EARS2: variants seen among roughly 807,000 people sequenced by gnomAD.
EARS2 encodes nondiscriminating glutamyl-tRNA synthetase EARS2, mitochondrial.
A neutral mutation model predicts 54.1 loss-of-function variants in EARS2; 50 were observed. The observed-to-expected ratio is 0.92, with a 90% CI of 0.74 to 1.17. EARS2 has a LOEUF of 1.17. Among genes scored for constraint, EARS2 ranks in the 50% most tolerant of loss-of-function variants. EARS2 has a pLI of 0.00. For missense variants in EARS2, 673 were observed against 675.0 expected (o/e 1.00, Z 0.03); for synonymous variants, 298 against 281.0 (o/e 1.06, Z -0.61).
intron 5 of EARS2, 114 bp from the exon 6 acceptor site, chr16:23,530,011 C>T: frequency 7.9e-7 from 1 of 1,268,202 alleles, no homozygotes. Context: ...CCCATGAGCC[C>T]TCCCTTTCGC....
intron 7 of EARS2, among the ~76,000 whole-genome samples, chr16:23,526,459 A>T (rs929369089): frequency 6.6e-6 from 1 of 152,180 alleles, no homozygotes; most frequent in Non-Finnish European, 1.5e-5. Context: ...TAAAATTTTT[A>T]AAAATTAGTT....
At chr16:23,528,986 G>C (rs1965276276) in intron 7 of EARS2, among the ~76,000 whole-genome samples, 1 of 152,352 alleles carries the variant, frequency 6.6e-6, no homozygotes, top group Admixed American at 6.5e-5. Context: ...GAAGGGGAAA[G>C]GCAGAGAGCG....
rs972212703 is a variant in EARS2, at chr16:23,552,625, G to A, written c.140-321C>T. On this transcript the variant is annotated intron_variant, in intron 1 of 8. Coordinates refer to ENST00000449606, the MANE Select transcript of EARS2 (RefSeq NM_001083614.2). ...CATGCCCAGCCTCCCGAGTAGCTGGGATTACAGGTGTGTGCCACCACGTCC... is the reference window on the plus strand; with the variant it reads ...CATGCCCAGCCTCCCGAGTAGCTGGAATTACAGGTGTGTGCCACCACGTCC... 2.0e-5 allele frequency among the ~76,000 whole-genome samples: 3 copies of A among 152,344 alleles called. No individual in the cohort carries two copies. The South Asian group carries it at 6.2e-4, about 32-fold the overall frequency.
At chr16:23,526,600 A>T (rs901243207) in intron 7 of EARS2, among the ~76,000 whole-genome samples, 1 of 152,196 alleles carries the variant, frequency 6.6e-6, no homozygotes, top group African/African-American at 2.4e-5. Context: ...AATTATCTGA[A>T]ATACAGCTTT....
At chr16:23,528,628 C>T (rs1567378680) in intron 7 of EARS2, among the ~76,000 whole-genome samples, 1 of 152,238 alleles carries the variant, frequency 6.6e-6, no homozygotes, top group Non-Finnish European at 1.5e-5. Flanking sequence ...TGGCCAGGCA[C>T]TATGGCTCAC....
chr16:23,532,545 A>T, intron 5 of EARS2, 112 bp downstream of exon 5: 1 of 666,446 alleles, frequency 1.5e-6, no homozygotes, highest in South Asian at 2.2e-5. Flanking sequence ...TAGGTGATTT[A>T]GCCATGGTCA....
chr16:23,541,695 T>G (rs1049779417), intron 3 of EARS2, among the ~76,000 whole-genome samples: 1 of 44,326 alleles, frequency 2.3e-5, no homozygotes, highest in Admixed American at 2.5e-4. Flanking sequence ...TCTTTGTGGA[T>G]CTTCTTTTTT....
rs542234574 is a variant in EARS2 at position 23,543,178 on chromosome 16, G to C, written c.485+1336C>G. Among the ~76,000 whole-genome samples the C allele has an allele frequency of 4.0e-5, 6 of 151,168 alleles. No individual in the cohort carries two copies. In the South Asian group the frequency reaches 1.0e-3, roughly 26 times the overall value. On this transcript the variant is annotated intron_variant, in intron 3 of 8. Transcript: ENST00000449606. ...TCACATCTATAATCCCAGCACTTTA[G>C]GAGGCCAAGGTGGGAGGATTGCTTG...
chr16:23,528,625 G>A (rs4968017), intron 7 of EARS2, among the ~76,000 whole-genome samples: 57 of 152,258 alleles, frequency 3.7e-4, no homozygotes, highest in Non-Finnish European at 7.3e-4. Context: ...CCCTGGCCAG[G>A]CACTATGGCT....
chr16:23,550,368 T>TAA (rs770772133), intron 2 of EARS2, among the ~76,000 whole-genome samples: 2 of 128,954 alleles, frequency 1.6e-5, no homozygotes, highest in African/African-American at 2.8e-5. Context: ...TTTTGTTTGT[T>TAA]AAAAAAAAAA....
chr16:23,533,873 T>A (rs1018607071), intron 4 of EARS2, among the ~76,000 whole-genome samples: 2 of 152,024 alleles, frequency 1.3e-5, no homozygotes, highest in African/African-American at 4.8e-5. Context: ...CTGGACAACA[T>A]GGTGAAACCC....
chr16:23,521,707 C>T lies in EARS2; in HGVS notation c.*2664G>A. ...CTTTTGTGACTGACATTTCATTTAG[C>T]ATGAAGTCCTAGAGGTTCATCCATG... On this transcript the variant is annotated 3_prime_UTR_variant, in exon 9 of 9. Coordinates refer to ENST00000449606, the MANE Select transcript of EARS2 (RefSeq NM_001083614.2). 2.2e-6 allele frequency: 1 copy of T among 455,462 alleles called. No individual in the cohort carries two copies. The highest frequency in any genetic ancestry group is 6.9e-5 in the East Asian group (1 of 14,402). 28.2% of individuals were successfully genotyped at this position (455,462 alleles called of 1,614,324 possible).
intron 3 of EARS2, among the ~76,000 whole-genome samples, chr16:23,542,005 C>T (rs931010679): frequency 1.3e-5 from 2 of 152,010 alleles, no homozygotes; most frequent in Admixed American, 6.6e-5. Flanking sequence ...ATTATAGGCA[C>T]CCGCCATCAT....
At chr16:23,532,792 C>A (rs771996607) in intron 4 of EARS2, 27 bp from the exon 5 acceptor site, 1 of 1,513,230 alleles carries the variant, frequency 6.6e-7, no homozygotes, top group Non-Finnish European at 9.2e-7. Flanking sequence ...CCCAGCCACT[C>A]AGCTTCCTCT....
chr16:23,557,185 G>GT lies in EARS2; in HGVS notation c.139+19dup. The GT allele has an allele frequency of 2.0e-6, 3 of 1,505,730 alleles. No homozygotes were observed. Among genetic ancestry groups the GT allele is most frequent in the Non-Finnish European group, 2.6e-6 (3 of 1,136,778 alleles). The allele number at this position is 1,505,730 out of a possible 1,614,324, so 93.3% of individuals were successfully genotyped here. Reference sequence around the variant, plus strand: ...GGGACAGGGGGCCTCGGCCTGTAGCGTCACGTCCGCCAGGGTTACCTGTGG... The same window carrying GT: ...GGGACAGGGGGCCTCGGCCTGTAGCGTTCACGTCCGCCAGGGTTACCTGTGG... On this transcript the variant is annotated intron_variant, in intron 1 of 8. Transcript: ENST00000449606.
intron 2 of EARS2, among the ~76,000 whole-genome samples, chr16:23,546,978 G>A (rs1965613791): frequency 6.6e-6 from 1 of 152,168 alleles, no homozygotes. Flanking sequence ...TGCTAAACAA[G>A]TCTCTTTAAT....
intron 8 of EARS2, 99 bp from the exon 9 acceptor site, chr16:23,524,553 C>G (rs931836615): frequency 1.7e-5 from 17 of 998,674 alleles, no homozygotes; most frequent in Middle Eastern, 4.1e-4. Context: ...GGCCAGCCCC[C>G]ACACTGCTGC....
At chr16:23,531,585 C>CT (rs1445542385) in intron 5 of EARS2, among the ~76,000 whole-genome samples, 1 of 152,148 alleles carries the variant, frequency 6.6e-6, no homozygotes, top group African/African-American at 2.4e-5. Context: ...CTTAACCTCT[C>CT]TATGTCCTGG....
chr16:23,531,985 G>A (rs546080924), intron 5 of EARS2, among the ~76,000 whole-genome samples: 5 of 152,184 alleles, frequency 3.3e-5, no homozygotes, highest in African/African-American at 1.2e-4. Context: ...GCTAATTTTT[G>A]TATTTTTAGT....
Sources: gnomAD v4.1 joint callset for allele counts (sites outside exome capture counted in the v4.1 genomes callset) on GRCh38, gnomAD v4.1.1 for gene constraint, MANE v1.5 for transcripts, NCBI Gene and HGNC (gene_info 2026-07-23, HGNC 2026-07-21) for gene names.